The following CDK17 variants were observed in gnomAD, a reference collection of about 807,000 sequenced individuals.
CDK17 encodes cyclin dependent kinase 17.
A neutral mutation model predicts 77.6 loss-of-function variants in CDK17; 24 were observed. That is an observed-to-expected ratio of 0.31 (90% CI 0.22 to 0.44). CDK17 has a LOEUF of 0.44. Ranked by LOEUF, CDK17 falls within the 20% of genes least tolerant of loss-of-function variation. CDK17 has a pLI of 1.00. For synonymous variants in CDK17, 203 were observed against 210.4 expected (o/e 0.96, Z 0.30); for missense variants, 429 against 622.5 (o/e 0.69, Z 3.31).
At chr12:96,296,581 C>T (rs1952409881) in intron 9 of CDK17, among the ~76,000 whole-genome samples, 1 of 152,148 alleles carries the variant, frequency 6.6e-6, no homozygotes, top group Non-Finnish European at 1.5e-5. Context: ...TAGGTTCTTA[C>T]ATATTGTTGA....
chr12:96,374,681 C>T (rs1427877664), intron 1 of CDK17, among the ~76,000 whole-genome samples: 1 of 152,068 alleles, frequency 6.6e-6, no homozygotes, highest in Non-Finnish European at 1.5e-5. Context: ...CTGTGGAAAC[C>T]AGGAAAAGGG....
At chr12:96,289,347 TA>T (rs1327088882) in intron 10 of CDK17, 60 bp from the exon 11 acceptor site, 1 of 1,586,454 alleles carries the variant, frequency 6.3e-7, no homozygotes, top group Non-Finnish European at 8.6e-7. Flanking sequence ...TCTCAGACCC[TA>T]TTCTCACCAT....
At chr12:96,316,357 A>C (rs2137113204) in intron 3 of CDK17, among the ~76,000 whole-genome samples, 1 of 151,350 alleles carries the variant, frequency 6.6e-6, no homozygotes, top group East Asian at 2.0e-4. Context: ...ATCAAACCGC[A>C]AGGCGGCAGC....
At chr12:96,366,525 A>G (rs1262706992) in intron 1 of CDK17, among the ~76,000 whole-genome samples, 1 of 152,218 alleles carries the variant, frequency 6.6e-6, no homozygotes, top group Non-Finnish European at 1.5e-5. Flanking sequence ...AAACAAGTGA[A>G]ATTATAAGCA....
At chr12:96,385,978 A>C (rs188693473) in intron 1 of CDK17, among the ~76,000 whole-genome samples, 1 of 152,322 alleles carries the variant, frequency 6.6e-6, no homozygotes, top group African/African-American at 2.4e-5. Context: ...AACAAAAAAA[A>C]AGGGAGGGAA....
chr12:96,282,432 ATC>A, intron 15 of CDK17, 75 bp downstream of exon 15: 3 of 884,518 alleles, frequency 3.4e-6, no homozygotes, highest in Non-Finnish European at 5.6e-6. Context: ...ATCAATAGCC[ATC>A]TCCCCAATCA....
At chr12:96,395,620 T>C (rs182991425) in intron 1 of CDK17, among the ~76,000 whole-genome samples, 2 of 152,356 alleles carry the variant, frequency 1.3e-5, no homozygotes, top group East Asian at 3.9e-4. Flanking sequence ...GTTTATGTTA[T>C]GGACTGAAGA....
At chr12:96,373,907 GAAGACCACTCCACCCTGGGCGACAGAGCA>G (rs556031422) in intron 1 of CDK17, among the ~76,000 whole-genome samples, 2 of 151,878 alleles carry the variant, frequency 1.3e-5, no homozygotes, top group East Asian at 3.9e-4. Flanking sequence ...GCGACAGAGC[GAAGACCACTCCACCCTGGGCGACAGAGCA>G]AGACTCCGTC....
Position 96,311,082 on chromosome 12 carries a change from T to G in CDK17, c.513A>C (p.Pro171=). Residue 171 remains proline (P), a synonymous_variant, in exon 5 of 17, where the codon CCA becomes CCC. Transcript: ENST00000261211. ...AAGCTCTACGAGACCTTCGACTCAT[T>G]GGTTGGTCAAATGGTGGACTGTTTA... ...LQINSPPFDQ[P]MSRRSRRASL... 1 of 1,603,660 alleles carries G rather than the reference T, an allele frequency of 6.2e-7. No individual in the cohort carries two copies. The highest frequency in any genetic ancestry group is 8.5e-7 in the Non-Finnish European group (1 of 1,177,002).
intron 5 of CDK17, chr12:96,303,247 T>C (rs913474569): frequency 1.3e-5 from 2 of 152,122 alleles, no homozygotes; most frequent in African/African-American, 2.4e-5. Context: ...CCCACTTTCA[T>C]GAGTTCACAA....
intron 1 of CDK17, among the ~76,000 whole-genome samples, chr12:96,359,593 T>C (rs1953462131): frequency 6.6e-6 from 1 of 152,214 alleles, no homozygotes; most frequent in Admixed American, 6.5e-5. Flanking sequence ...TTCAAGTAGG[T>C]AGCAATTCCT....
At position 96,384,059 on chromosome 12, in the gene CDK17, G is replaced by GA. The variant is rs142876311; in HGVS notation, c.-30+15926dup. Among the ~76,000 whole-genome samples, 295 of 146,434 alleles carry GA rather than the reference G, an allele frequency of 2.0e-3. 2 individuals carry two copies. The highest frequency in any genetic ancestry group is 2.5e-3 in the Admixed American group (37 of 14,720). ...ATCCATACGGAACTTAAATCCACAAGAAAAAAAAAATCCCATTAAGAAGTA... is the reference window on the plus strand; with the variant it reads ...ATCCATACGGAACTTAAATCCACAAGAAAAAAAAAAATCCCATTAAGAAGTA... On this transcript the variant is annotated intron_variant, in intron 1 of 16. Transcript: ENST00000261211.
intron 1 of CDK17, among the ~76,000 whole-genome samples, chr12:96,379,630 A>G (rs1036714847): frequency 2.0e-5 from 3 of 151,830 alleles, no homozygotes; most frequent in African/African-American, 7.3e-5. Context: ...GGATCTCACT[A>G]TGTTGCCCAG....
Position 96,324,143 on chromosome 12 carries a change from A to G in CDK17, c.119-31T>C, listed in dbSNP as rs745737767. 3 of 1,565,780 alleles carry G rather than the reference A, an allele frequency of 1.9e-6. No individual in the cohort carries two copies. In the South Asian group the frequency reaches 3.7e-5, roughly 19 times the overall value. On this transcript the variant is annotated intron_variant, in intron 2 of 16. Coordinates refer to ENST00000261211, the MANE Select transcript of CDK17 (RefSeq NM_002595.5). ...GTTCATAGAATTCGAAAATCATTCC[A>G]TCATCAGTCCAAGATCCAGGATCAC...
intron 1 of CDK17, among the ~76,000 whole-genome samples, chr12:96,354,308 T>G (rs1378999190): frequency 6.6e-6 from 1 of 152,200 alleles, no homozygotes; most frequent in African/African-American, 2.4e-5. Context: ...CTCTCTTACC[T>G]GCTAACTACT....
chr12:96,290,149 T>C (rs1952305477), intron 10 of CDK17, among the ~76,000 whole-genome samples: 1 of 152,238 alleles, frequency 6.6e-6, no homozygotes, highest in African/African-American at 2.4e-5. Context: ...ACAAGCTTGC[T>C]GTAAGTGATA....
intron 1 of CDK17, among the ~76,000 whole-genome samples, chr12:96,350,822 C>T (rs770767437): frequency 6.6e-6 from 1 of 151,840 alleles, no homozygotes; most frequent in Non-Finnish European, 1.5e-5. Context: ...AATATGACAC[C>T]AAAGGCACAG....
intron 2 of CDK17, among the ~76,000 whole-genome samples, chr12:96,326,078 G>A (rs1952888587): frequency 6.6e-6 from 1 of 152,172 alleles, no homozygotes; most frequent in South Asian, 2.1e-4. Context: ...TATTTCACAT[G>A]TGAAATATCA....
chr12:96,327,235 T>G (rs1952902839), intron 2 of CDK17, among the ~76,000 whole-genome samples: 3 of 152,192 alleles, frequency 2.0e-5, no homozygotes, highest in Admixed American at 2.0e-4. Flanking sequence ...TTCTATATAA[T>G]CTTTGTAACT....
Sources: allele counts gnomAD v4.1 joint callset (sites outside exome capture counted in the v4.1 genomes callset), GRCh38; gene constraint gnomAD v4.1.1; transcripts MANE v1.5; gene names NCBI Gene and HGNC (gene_info 2026-07-23, HGNC 2026-07-21).